Variants in CLASP2 observed in about 807,000 individuals in gnomAD.
The protein encoded by CLASP2 is cytoplasmic linker associated protein 2.
CLASP2 carries 47 observed loss-of-function variants against 194.4 expected under a neutral mutation model. The ratio of observed to expected loss-of-function variants is 0.24; its 90% CI spans 0.19 to 0.31. The LOEUF is 0.31. CLASP2 is among the 10% of genes least tolerant of loss of function. CLASP2 has a pLI of 1.00. For synonymous variants in CLASP2, 619 were observed against 633.5 expected, an observed-to-expected ratio of 0.98 and a Z score of 0.34; for missense variants, 1,445 against 1,823.6, an observed-to-expected ratio of 0.79 and a Z score of 3.78.
chr3:33,582,340 T>G (rs1168922472), intron 22 of CLASP2, among the ~76,000 whole-genome samples: 1 of 152,178 alleles, frequency 6.6e-6, no homozygotes, highest in Admixed American at 6.5e-5. Flanking sequence ...ATACCCATTC[T>G]TAAATTCTCA....
In CLASP2 at chr3:33,696,736, G is replaced by C. The variant is rs150048359; in HGVS notation, c.274+119C>G. ...CTGCCTCGGCCTCCCAAAGTGCTGG[G>C]ATTACAGAAATTACATTTTTTTAAT... is the stretch of plus-strand genomic sequence containing the variant. On this transcript the variant is annotated intron_variant, in intron 2 of 38. Coordinates refer to ENST00000682230, the MANE Select transcript of CLASP2 (RefSeq NM_001365631.1). 4.1e-3 allele frequency: 3,150 copies of C among 762,118 alleles called. 79 individuals are homozygous for C. The African/African-American group carries it at 0.05, about 12-fold the overall frequency. The allele number at this position is 762,118 out of a possible 1,614,324, so 47.2% of individuals were successfully genotyped here.
chr3:33,587,463 G>A (rs1236560099), intron 21 of CLASP2, among the ~76,000 whole-genome samples: 3 of 152,208 alleles, frequency 2.0e-5, no homozygotes, highest in African/African-American at 7.2e-5. Context: ...GAATGGTCTT[G>A]CTGAATACAA....
chr3:33,507,316 A>T (rs898272056), intron 37 of CLASP2, among the ~76,000 whole-genome samples: 1 of 152,158 alleles, frequency 6.6e-6, no homozygotes, highest in Admixed American at 6.5e-5. Context: ...TTTACTAAAG[A>T]AATTTGGCAG....
chr3:33,597,678 A>G (rs529434383), intron 18 of CLASP2, among the ~76,000 whole-genome samples: 2 of 151,938 alleles, frequency 1.3e-5, no homozygotes, highest in Non-Finnish European at 2.9e-5. Context: ...CTGGCCCCCC[A>G]GCGTGAGTCT....
chr3:33,513,116 A>G (rs1470382340), intron 36 of CLASP2, among the ~76,000 whole-genome samples: 1 of 152,228 alleles, frequency 6.6e-6, no homozygotes, highest in Non-Finnish European at 1.5e-5. Context: ...TAGGGATGCT[A>G]CAGGCCTTAT....
In CLASP2 at chr3:33,644,862, G is replaced by T; in HGVS notation, c.757C>A (p.Pro253Thr). The change falls in exon 8 of 39, where the codon CCA becomes ACA. Residue 253 changes from proline to threonine, a missense_variant. Pro to Thr is a conservative substitution (Grantham distance 38). Transcript: ENST00000682230. ...TTGAAGGCTGATGCAGCTGATGATG[G>T]CCTATTTCCATCCACTGATTCTTCA... ...DDEESVDGNR[P>T]SSAASAFKVP... 1 of 1,607,826 alleles carries T rather than the reference G, an allele frequency of 6.2e-7. No individual in the cohort carries two copies. Among genetic ancestry groups the T allele is most frequent in the Non-Finnish European group, 8.5e-7 (1 of 1,176,764 alleles).
At chr3:33,659,123 G>A (rs2084841690) in intron 7 of CLASP2, 2 of 1,447,108 alleles carry the variant, frequency 1.4e-6, no homozygotes, top group East Asian at 2.5e-5. Context: ...AGGCCTCGCT[G>A]CAGCTCTGCA....
chr3:33,611,934 A>C (rs942122881), intron 13 of CLASP2, 67 bp downstream of exon 13: 20 of 1,066,158 alleles, frequency 1.9e-5, no homozygotes, highest in Non-Finnish European at 2.6e-5. Context: ...CTTGCAGCAG[A>C]CAAATAATTA....
intron 7 of CLASP2, among the ~76,000 whole-genome samples, chr3:33,647,858 C>T (rs763418073): frequency 5.3e-5 from 8 of 151,936 alleles, no homozygotes; most frequent in Non-Finnish European, 8.8e-5. Flanking sequence ...CACGGTGAAA[C>T]CCATCTCTAC....
intron 34 of CLASP2, among the ~76,000 whole-genome samples, chr3:33,524,908 T>C (rs562927991): frequency 2.0e-5 from 3 of 152,246 alleles, no homozygotes; most frequent in Non-Finnish European, 2.9e-5. Flanking sequence ...CTCTCAATAA[T>C]GGATAGAACA....
chr3:33,626,333 T>A (rs573876598), intron 10 of CLASP2, among the ~76,000 whole-genome samples: 1 of 152,270 alleles, frequency 6.6e-6, no homozygotes, highest in East Asian at 1.9e-4. Context: ...TTGAAAACTC[T>A]GAGGTACTCA....
At chr3:33,519,655 A>G (rs1005584378) in intron 34 of CLASP2, among the ~76,000 whole-genome samples, 1 of 152,192 alleles carries the variant, frequency 6.6e-6, no homozygotes, top group Non-Finnish European at 1.5e-5. Flanking sequence ...AATAAATGAA[A>G]ACAACTGCCA....
chr3:33,547,288 GA>G (rs2059301292), intron 30 of CLASP2, among the ~76,000 whole-genome samples: 1 of 152,146 alleles, frequency 6.6e-6, no homozygotes, highest in Middle Eastern at 3.2e-3. Context: ...TTGATAAGGG[GA>G]AACCCATTTC....
chr3:33,568,590 A>ACCC (rs909175146), intron 26 of CLASP2, among the ~76,000 whole-genome samples: 10 of 148,426 alleles, frequency 6.7e-5, no homozygotes, highest in Non-Finnish European at 1.2e-4. Context: ...ACACACACAC[A>ACCC]CCCCCTCACA....
chr3:33,555,515 A>G (rs1175063429), intron 29 of CLASP2, among the ~76,000 whole-genome samples: 1 of 151,962 alleles, frequency 6.6e-6, no homozygotes, highest in Non-Finnish European at 1.5e-5. Flanking sequence ...ACAGGTGTGC[A>G]CCACCACGTC....
chr3:33,517,408 C>T (rs959471065), intron 34 of CLASP2, among the ~76,000 whole-genome samples: 1 of 152,162 alleles, frequency 6.6e-6, no homozygotes, highest in African/African-American at 2.4e-5. Flanking sequence ...GTATAATGAA[C>T]CCTTATATTC....
chr3:33,558,990 T>G (rs2061382688), intron 29 of CLASP2: 1 of 384,176 alleles, frequency 2.6e-6, no homozygotes, highest in Non-Finnish European at 4.9e-6. Flanking sequence ...AGTCTGGCAT[T>G]GCATTTAAAT....
intron 2 of CLASP2, among the ~76,000 whole-genome samples, chr3:33,691,660 T>C (rs1284282717): frequency 1.3e-5 from 2 of 152,224 alleles, no homozygotes; most frequent in Non-Finnish European, 2.9e-5. Context: ...TTGGCCATTA[T>C]GGGCTTCTGG....
At chr3:33,604,056 T>C (rs770854279) in intron 17 of CLASP2, 98 bp downstream of exon 17, 25 of 876,262 alleles carry the variant, frequency 2.9e-5, no homozygotes, top group Non-Finnish European at 4.5e-5. Flanking sequence ...AGTTACCAAG[T>C]AAAACGATCT....
Sources: allele counts gnomAD v4.1 joint callset (sites outside exome capture counted in the v4.1 genomes callset), GRCh38; gene constraint gnomAD v4.1.1; transcripts MANE v1.5; gene names NCBI Gene and HGNC (gene_info 2026-07-23, HGNC 2026-07-21).